RBFOX1: variants seen among roughly 807,000 people sequenced by gnomAD.
RBFOX1 encodes the protein RNA binding protein fox-1 homolog 1.
A neutral mutation model predicts 57.7 loss-of-function variants in RBFOX1; 8 were observed. The observed-to-expected ratio is 0.14, with a 90% CI of 0.08 to 0.25. The LOEUF is 0.25. Ranked by LOEUF, RBFOX1 falls within the 10% of genes least tolerant of loss-of-function variation. RBFOX1 has a pLI of 1.00. For synonymous variants in RBFOX1, 326 were observed against 222.4 expected (o/e 1.47, Z -4.15); for missense variants, 611 against 548.5 (o/e 1.11, Z -1.14).
At chr16:5,642,726 G>T (rs918417207) in intron 3 of RBFOX1, among the ~76,000 whole-genome samples, 9 of 152,070 alleles carry the variant, frequency 5.9e-5, no homozygotes, top group Non-Finnish European at 1.2e-4. Context: ...GGACTCATGT[G>T]CTCCCGGGAG....
At chr16:5,529,560 C>CTCATTTAT (rs894582920) in intron 2 of RBFOX1, among the ~76,000 whole-genome samples, 2 of 121,638 alleles carry the variant, frequency 1.6e-5, no homozygotes, top group African/African-American at 6.8e-5. Context: ...CCATGCTTGG[C>CTCATTTAT]TCATTTATGT....
intron 4 of RBFOX1, among the ~76,000 whole-genome samples, chr16:7,222,846 C>T (rs12596008): frequency 0.39 from 58,758 of 152,066 alleles, 11,874 homozygotes; most frequent in East Asian, 0.66. Context: ...GTTCCATTTA[C>T]AGGCATTGGT....
At chr16:5,911,974 C>T (rs528564339) in intron 4 of RBFOX1, among the ~76,000 whole-genome samples, 15 of 152,176 alleles carry the variant, frequency 9.9e-5, no homozygotes, top group Admixed American at 3.3e-4. Flanking sequence ...GGCACCTTCA[C>T]GGGGAGAAAT....
chr16:6,814,035 T>A (rs2089451770), intron 3 of RBFOX1, among the ~76,000 whole-genome samples: 1 of 151,546 alleles, frequency 6.6e-6, no homozygotes, highest in Non-Finnish European at 1.5e-5. Flanking sequence ...GAAATTAGAT[T>A]CAAACATAAC....
intron 4 of RBFOX1, among the ~76,000 whole-genome samples, chr16:7,195,192 G>C (rs1396377258): frequency 6.6e-6 from 1 of 152,164 alleles, no homozygotes; most frequent in Non-Finnish European, 1.5e-5. Context: ...AGTTGGGGTG[G>C]ACTCTGTTCA....
At chr16:6,566,667 T>G (rs1260015006) in intron 2 of RBFOX1, among the ~76,000 whole-genome samples, 1 of 152,220 alleles carries the variant, frequency 6.6e-6, no homozygotes, top group East Asian at 1.9e-4. Context: ...TCCTCAAGTC[T>G]GTCTTCTCCA....
chr16:7,704,306 T>C (rs1308598905), intron 14 of RBFOX1, among the ~76,000 whole-genome samples: 2 of 152,212 alleles, frequency 1.3e-5, no homozygotes, highest in East Asian at 3.8e-4. Flanking sequence ...TTTATATCTT[T>C]GTTTAGTTTT....
intron 2 of RBFOX1, among the ~76,000 whole-genome samples, chr16:6,478,414 TATATATATATATA>T (rs1282588482): frequency 0.12 from 3,693 of 31,228 alleles, 298 homozygotes; most frequent in African/African-American, 0.17. Context: ...TATATATATA[TATATATATATATA>T]TATTTTTTTT....
intron 3 of RBFOX1, among the ~76,000 whole-genome samples, chr16:6,966,751 C>G (rs1475783091): frequency 3.0e-5 from 3 of 101,672 alleles, no homozygotes; most frequent in Non-Finnish European, 6.0e-5. Flanking sequence ...CTGCCTCTAT[C>G]TGTCTGTCTG....
intron 2 of RBFOX1, among the ~76,000 whole-genome samples, chr16:6,385,483 C>T (rs1040652395): frequency 2.0e-5 from 3 of 152,218 alleles, no homozygotes; most frequent in Non-Finnish European, 4.4e-5. Context: ...CCTCTGCCTC[C>T]CCAGTAGCTG....
intron 6 of RBFOX1, among the ~76,000 whole-genome samples, chr16:7,581,400 C>G (rs1360645921): frequency 6.6e-6 from 1 of 152,146 alleles, no homozygotes; most frequent in African/African-American, 2.4e-5. Flanking sequence ...GTTATATTCT[C>G]TTTGCCGTGT....
chr16:7,255,710 T>G lies in RBFOX1; in HGVS notation c.27+203612T>G, dbSNP rs1603450370. Among the ~76,000 whole-genome samples the G allele has an allele frequency of 3.3e-5, 5 of 152,322 alleles. No homozygotes were observed. In the South Asian group the frequency reaches 8.3e-4, roughly 25 times the overall value. On this transcript the variant is annotated intron_variant, in intron 4 of 15. Transcript: ENST00000550418. ...GAATTAAAAAAATAAATGCATGAAA[T>G]GTTTGTTTTAATAAATTTTACTTAA... is the stretch of plus-strand genomic sequence containing the variant.
chr16:5,470,216 T>C (rs1157451153), intron 2 of RBFOX1, among the ~76,000 whole-genome samples: 1 of 152,122 alleles, frequency 6.6e-6, no homozygotes, highest in African/African-American at 2.4e-5. Context: ...GTCCTGCATG[T>C]GGAACATCAG....
In RBFOX1 at chr16:6,806,838, T is replaced by TTATATATATATATA. The variant is rs1376400535; in HGVS notation, c.-16+152189_-16+152190insATATATATATATAT. On this transcript the variant is annotated intron_variant, in intron 3 of 15. Coordinates refer to ENST00000550418, the MANE Select transcript of RBFOX1 (RefSeq NM_018723.4). ...TATAAATATATATATATATATATAT[T>TTATATATATATATA]TTTTTTTTTTTTTGAGAGAAAGTCT... Among the ~76,000 whole-genome samples the TTATATATATATATA allele has an allele frequency of 6.8e-3, 326 of 48,048 alleles. 1 individual carries two copies. The highest frequency in any genetic ancestry group is 9.7e-3 in the Non-Finnish European group (242 of 24,842). The allele number at this position is 48,048 out of a possible 152,430, so 31.5% of individuals were successfully genotyped here. A position where few individuals can be genotyped will look rare whatever the true frequency, so the allele number is the denominator to read the frequency against.
At chr16:5,948,859 A>G (rs1223143329) in intron 4 of RBFOX1, among the ~76,000 whole-genome samples, 7 of 152,204 alleles carry the variant, frequency 4.6e-5, no homozygotes, top group Non-Finnish European at 4.4e-5. Flanking sequence ...AGTAGGTCCT[A>G]TCACAAGGAC....
chr16:7,136,484 A>G (rs2072017989), intron 4 of RBFOX1, among the ~76,000 whole-genome samples: 2 of 148,294 alleles, frequency 1.3e-5, no homozygotes, highest in African/African-American at 5.0e-5. Flanking sequence ...ATGGTGCAAT[A>G]CAGCCTTAAA....
chr16:6,599,450 A>G (rs183863225), intron 2 of RBFOX1, among the ~76,000 whole-genome samples: 118 of 152,294 alleles, frequency 7.7e-4, no homozygotes, highest in African/African-American at 2.5e-3. Flanking sequence ...TGAAATAAGA[A>G]TAACAAGGAC....
Position 5,967,945 on chromosome 16 carries a change from A to G in RBFOX1, c.351+100610A>G, listed in dbSNP as rs533279795. On this transcript the variant is annotated intron_variant, in intron 4 of 19. Transcript: ENST00000641259. Reference sequence around the variant, plus strand: ...TTTTTCGTAGTTGTGCTGTGTCTCCATTGTCAGATCATATATATGTTACTT... The same window carrying G: ...TTTTTCGTAGTTGTGCTGTGTCTCCGTTGTCAGATCATATATATGTTACTT... Among the ~76,000 whole-genome samples the G allele has an allele frequency of 1.8e-4, 27 of 152,216 alleles. 1 individual carries two copies. In the Middle Eastern group the frequency reaches 0.014, roughly 77 times the overall value.
chr16:7,437,515 G>A (rs1203159860), intron 4 of RBFOX1, among the ~76,000 whole-genome samples: 1 of 152,128 alleles, frequency 6.6e-6, no homozygotes, highest in Non-Finnish European at 1.5e-5. Context: ...GAGCCAAGCT[G>A]CAGAGTACCA....
Sources: gnomAD v4.1 joint callset for allele counts (sites outside exome capture counted in the v4.1 genomes callset) on GRCh38, gnomAD v4.1.1 for gene constraint, MANE v1.5 for transcripts, NCBI Gene and HGNC (gene_info 2026-07-23, HGNC 2026-07-21) for gene names.